Variants in NIPAL3 observed in about 807,000 individuals in gnomAD.
The protein encoded by NIPAL3 is NIPA like domain containing 3.
Under a neutral mutation model 47.2 loss-of-function variants are expected in NIPAL3, and 41 were observed. That is an observed-to-expected ratio of 0.87 (90% CI 0.68 to 1.13). The LOEUF (loss-of-function observed/expected upper bound fraction) is 1.13. NIPAL3 is among the 50% of genes most tolerant of loss of function. The pLI is 0.00. For synonymous variants in NIPAL3, 194 were observed against 209.6 expected (o/e 0.93, Z 0.64); for missense variants, 449 against 530.1 (o/e 0.85, Z 1.50).
At chr1:24,417,265 C>T (rs983885801) in intron 1 of NIPAL3, among the ~76,000 whole-genome samples, 2 of 152,176 alleles carry the variant, frequency 1.3e-5, no homozygotes, top group Non-Finnish European at 2.9e-5. Flanking sequence ...GGCTAGATCT[C>T]AGCTGGGAGC....
chr1:24,419,106 G>T (rs1190227536), intron 1 of NIPAL3, among the ~76,000 whole-genome samples, 185 bp from the exon 2 acceptor site: 1 of 152,102 alleles, frequency 6.6e-6, no homozygotes, highest in East Asian at 1.9e-4. Context: ...GTATTAAGGG[G>T]AGGACAAAGG....
intron 7 of NIPAL3, 47 bp from the exon 8 acceptor site, chr1:24,456,091 C>A: frequency 3.7e-6 from 6 of 1,611,484 alleles, no homozygotes; most frequent in Non-Finnish European, 5.1e-6. Flanking sequence ...ACCTAACTCT[C>A]TGCATTTCCC....
Position 24,416,061 on chromosome 1 carries a change from T to C in NIPAL3, c.-258+157T>C. On this transcript the variant is annotated intron_variant, in intron 1 of 11. Transcript: ENST00000374399. This position sits in a 1 kb window ranked among gnomAD's most constrained non-coding sequence, Gnocchi z 4.8. Reference sequence around the variant, plus strand: ...TGGGTCCCGTTGCCTTGGAATGTTCTTTCCAGTTTTGCATCGAGGCCAAGA... The same window carrying C: ...TGGGTCCCGTTGCCTTGGAATGTTCCTTCCAGTTTTGCATCGAGGCCAAGA... 1 of 985,658 alleles carries C rather than the reference T, an allele frequency of 1.0e-6. No homozygotes were observed. The allele number at this position is 985,658 out of a possible 1,614,324, so 61.1% of individuals were successfully genotyped here. A position where few individuals can be genotyped will look rare whatever the true frequency, so the allele number is the denominator to read the frequency against.
At position 24,440,205 on chromosome 1, in the gene NIPAL3, G is replaced by T; in HGVS notation, c.127G>T (p.Gly43Trp). ...GATTGGCGCCCTCTTGGCGATCTTC[G>T]GGCACCTCGTGGTCAGCATTGCACT... ...NLIGALLAIF[G>W]HLVVSIALNL... Residue 43 changes from glycine to tryptophan, a missense_variant, in exon 3 of 12, where the codon GGG (glycine) becomes TGG (tryptophan). Gly to Trp is a radical substitution (Grantham distance 184, BLOSUM62 -2). Coordinates refer to ENST00000374399, the MANE Select transcript of NIPAL3 (RefSeq NM_020448.5). 6.3e-7 allele frequency: 1 copy of T among 1,594,134 alleles called. No individual in the cohort carries two copies. The highest frequency in any genetic ancestry group is 8.5e-7 in the Non-Finnish European group (1 of 1,170,694).
At chr1:24,420,737 C>T (rs1401632416) in intron 2 of NIPAL3, among the ~76,000 whole-genome samples, 1 of 152,050 alleles carries the variant, frequency 6.6e-6, no homozygotes, top group Non-Finnish European at 1.5e-5. Flanking sequence ...GAATGATTGC[C>T]CAATAATCCG....
At chr1:24,429,586 AG>A (rs1487149039) in intron 2 of NIPAL3, among the ~76,000 whole-genome samples, 1 of 152,200 alleles carries the variant, frequency 6.6e-6, no homozygotes, top group African/African-American at 2.4e-5. Flanking sequence ...GAACCGGAAG[AG>A]GTTCAGAGAG....
chr1:24,465,342 CTG>C (rs986990852), intron 11 of NIPAL3: 1 of 151,914 alleles, frequency 6.6e-6, no homozygotes, highest in African/African-American at 2.4e-5. Flanking sequence ...GGTGTCAACT[CTG>C]TGTGTGCAAG....
intron 5 of NIPAL3, among the ~76,000 whole-genome samples, chr1:24,447,955 C>G (rs1322148542): frequency 1.3e-5 from 2 of 152,250 alleles, no homozygotes; most frequent in African/African-American, 4.8e-5. Flanking sequence ...CAAACATTCA[C>G]TCAGTGCTAG....
chr1:24,424,965 T>G (rs1644508089), intron 2 of NIPAL3, among the ~76,000 whole-genome samples: 1 of 152,222 alleles, frequency 6.6e-6, no homozygotes, highest in Non-Finnish European at 1.5e-5. Context: ...AGGAGCAAGC[T>G]GTCTGCCTTT....
chr1:24,462,238 G>C (rs1646503912), intron 10 of NIPAL3, among the ~76,000 whole-genome samples: 2 of 152,258 alleles, frequency 1.3e-5, no homozygotes, highest in African/African-American at 4.8e-5. Flanking sequence ...TTACCTCCCA[G>C]CAGGTCCCTC....
upstream of NIPAL3, chr1:24,415,135 G>A (rs1287758941): frequency 6.6e-6 from 1 of 152,204 alleles, no homozygotes; most frequent in East Asian, 1.9e-4. Context: ...ACGTGTGAGC[G>A]ATGAGAAGCT....
chr1:24,428,258 A>AAGAGAGAGAGAGAGAGAGAGAG (rs56082168), intron 2 of NIPAL3, among the ~76,000 whole-genome samples: 164 of 119,462 alleles, frequency 1.4e-3, no homozygotes, highest in African/African-American at 1.8e-3. Flanking sequence ...CTCAAAAAGA[A>AAGAGAGAGAGAGAGAGAGAGAG]AGAGAGAGAG....
chr1:24,457,849 T>G, intron 8 of NIPAL3: 1 of 531,958 alleles, frequency 1.9e-6, no homozygotes. Flanking sequence ...CATGAGCTGC[T>G]TCTATGATTA....
Position 24,469,979 on chromosome 1 carries a change from C to A in NIPAL3, c.*794C>A, listed in dbSNP as rs957844143. On this transcript the variant is annotated 3_prime_UTR_variant, in exon 12 of 12. Transcript: ENST00000374399. The stretch of plus-strand genomic sequence containing the variant: ...CTTACTCTTACAAAAGGTGATTGCA[C>A]CACTTAAAAAAGGATAGGTAGAAAA... 1 of 152,076 alleles carries A rather than the reference C, an allele frequency of 6.6e-6. No individual in the cohort carries two copies. Among genetic ancestry groups the A allele is most frequent in the East Asian group, 1.9e-4 (1 of 5,194 alleles). 9.4% of individuals were successfully genotyped at this position (152,076 alleles called of 1,614,324 possible).
chr1:24,466,028 T>G (rs1293388093), intron 11 of NIPAL3: 1 of 1,611,926 alleles, frequency 6.2e-7, no homozygotes. Context: ...AACAGACAAC[T>G]GCTGTTCAAG....
chr1:24,420,515 G>GTATA (rs199705759), intron 2 of NIPAL3, among the ~76,000 whole-genome samples: 1 of 150,860 alleles, frequency 6.6e-6, no homozygotes, highest in African/African-American at 2.4e-5. Flanking sequence ...CAAAAAAAAA[G>GTATA]TATATATATA....
intron 2 of NIPAL3, 192 bp downstream of exon 2, chr1:24,419,832 G>A: frequency 1.9e-6 from 1 of 524,994 alleles, no homozygotes; most frequent in Non-Finnish European, 3.4e-6. Context: ...GCTCACACCT[G>A]TAATCCCAGC....
chr1:24,460,692 C>T (rs565144227), intron 10 of NIPAL3, 148 bp downstream of exon 10: 6 of 574,680 alleles, frequency 1.0e-5, no homozygotes, highest in Non-Finnish European at 1.8e-5. Context: ...CAGAGGTGAG[C>T]GTTTTATTCC....
At position 24,419,587 on chromosome 1, in the gene NIPAL3, C is replaced by A; in HGVS notation, c.40C>A (p.Leu14Met). The change falls in exon 2 of 12, where the codon CTG becomes ATG. Residue 14 changes from leucine (L) to methionine (M), a missense_variant. Coordinates refer to ENST00000374399, the MANE Select transcript of NIPAL3 (RefSeq NM_020448.5). The part of the protein sequence containing the change: ...SHSAALKLQQ[L>M]PPTSSSSAVS... ...CAGCGCAGCCCTGAAGCTGCAGCAG[C>A]TGCCTCCCACAAGTAGCTCCAGCGC... 6.2e-7 allele frequency: 1 copy of A among 1,614,096 alleles called. No homozygotes were observed. Among genetic ancestry groups the A allele is most frequent in the Admixed American group, 1.7e-5 (1 of 60,024 alleles).
Sources: allele counts gnomAD v4.1 joint callset (sites outside exome capture counted in the v4.1 genomes callset), GRCh38; gene constraint gnomAD v4.1.1; non-coding constraint Gnocchi (gnomAD v3.1); transcripts MANE v1.5; gene names NCBI Gene and HGNC (gene_info 2026-07-23, HGNC 2026-07-21).